Variants in TRPM2 observed in about 807,000 individuals in gnomAD.
The protein encoded by TRPM2 is estrogen-responsive element-associated gene 1 protein.
TRPM2 carries 161 observed loss-of-function variants against 174.0 expected under a neutral mutation model. That is an observed-to-expected ratio of 0.93 (90% CI 0.81 to 1.05). TRPM2 has a LOEUF of 1.05. TRPM2 is among the 50% of genes least tolerant of loss of function. The pLI is 0.00. For missense variants in TRPM2, 2,057 were observed against 2,038.0 expected (o/e 1.01, Z -0.18); for synonymous variants, 954 against 861.3 (o/e 1.11, Z -1.88).
chr21:44,398,352 C>T (rs2049500841), intron 13 of TRPM2, among the ~76,000 whole-genome samples: 1 of 152,108 alleles, frequency 6.6e-6, no homozygotes, highest in Non-Finnish European at 1.5e-5. Flanking sequence ...AGCTGCCTGC[C>T]ACCACAACTG....
At position 44,364,253 on chromosome 21, in the gene TRPM2, T is replaced by C; in HGVS notation, c.394T>C (p.Phe132Leu). The C allele has an allele frequency of 9.9e-6, 16 of 1,614,224 alleles. No homozygotes were observed. Among genetic ancestry groups the C allele is most frequent in the Non-Finnish European group, 1.4e-5 (16 of 1,180,036 alleles). The stretch of plus-strand genomic sequence containing the variant: ...AACCGATGCCTTTGGCGACATCGTC[T>C]TCACGGGCCTGAGCCAGAAGGTGAA... Reference protein sequence around the residue: ...MPTDAFGDIVFTGLSQKVKKY... With the variant: ...MPTDAFGDIVLTGLSQKVKKY... The change falls in exon 3 of 32, where the codon TTC (phenylalanine) becomes CTC (leucine). Residue 132 changes from phenylalanine to leucine, a missense_variant. Transcript: ENST00000397928.
At position 44,418,022 on chromosome 21, in the gene TRPM2, C is replaced by T. The variant is rs753642082; in HGVS notation, c.3242C>T (p.Pro1081Leu). The T allele has an allele frequency of 3.4e-5, 55 of 1,612,992 alleles. No individual in the cohort carries two copies. Among genetic ancestry groups the T allele is most frequent in the Admixed American group, 2.7e-4 (16 of 60,006 alleles). Residue 1081 changes from proline (P) to leucine (L), a missense_variant, in exon 21 of 32, where the codon CCG (proline) becomes CTG (leucine). By Grantham distance (98) the Pro-to-Leu change is moderately conservative. Transcript: ENST00000397928. ...IEEYHGRPAA[P>L]PPFILLSHLQ... is the part of the protein sequence containing the mutation. ...GAGTACCACGGCCGCCCCGCCGCGCCGCCCCCCTTCATCCTCCTCAGCCAC... is the reference window on the plus strand; with the variant it reads ...GAGTACCACGGCCGCCCCGCCGCGCTGCCCCCCTTCATCCTCCTCAGCCAC...
At position 44,440,817 on chromosome 21, in the gene TRPM2, G is replaced by A; in HGVS notation, c.4298G>A (p.Arg1433Lys). ...EVYKGYMDDP[R>K]NTDNAWIETV... ...TACAAAGGCTACATGGATGACCCGAGGAACACGGACAATGCCTGGATCGAG... is the reference window on the plus strand; with the variant it reads ...TACAAAGGCTACATGGATGACCCGAAGAACACGGACAATGCCTGGATCGAG... The change falls in exon 31 of 32, where the codon AGG (arginine) becomes AAG (lysine). Residue 1433 changes from arginine (R) to lysine (K), a missense_variant. By Grantham distance (26) the Arg-to-Lys change is conservative. Transcript: ENST00000397928. 6.2e-7 allele frequency: 1 copy of A among 1,613,950 alleles called. No homozygotes were observed. The highest frequency in any genetic ancestry group is 8.5e-7 in the Non-Finnish European group (1 of 1,179,974).
At chr21:44,394,180 G>A (rs1214615037) in intron 11 of TRPM2, among the ~76,000 whole-genome samples, 2 of 151,754 alleles carry the variant, frequency 1.3e-5, no homozygotes, top group Non-Finnish European at 2.9e-5. Context: ...GGTATGGCTT[G>A]GTTTTATACA....
intron 19 of TRPM2, among the ~76,000 whole-genome samples, chr21:44,413,513 G>A (rs1277769963): frequency 6.6e-6 from 1 of 152,180 alleles, no homozygotes; most frequent in East Asian, 1.9e-4. Flanking sequence ...AAAGTGCTGG[G>A]ATTACAGGCA....
In TRPM2 at chr21:44,425,756, GCCCGGCACCTC is replaced by G. The variant is rs769582649; in HGVS notation, c.3726_3736del (p.Arg1243LeufsTer26). The G allele has an allele frequency of 3.1e-6, 5 of 1,594,952 alleles. No homozygotes were observed. The East Asian group carries it at 1.1e-4, about 36-fold the overall frequency. ...GCCGGGCGACAGCTACCACGTGAAT[GCCCGGCACCTC>G]CTCTACCCCAACTGCCCTGTCACGC... is the stretch of plus-strand genomic sequence containing the variant. On this transcript the variant is annotated frameshift_variant, in exon 25 of 32. Transcript: ENST00000397928. LOFTEE classifies it high-confidence loss of function.
intron 8 of TRPM2, 59 bp from the exon 9 acceptor site, chr21:44,382,659 T>C: frequency 6.5e-7 from 1 of 1,549,336 alleles, no homozygotes; most frequent in Non-Finnish European, 8.8e-7. Flanking sequence ...CTATGTGTCC[T>C]GGAGGAGGCA....
intron 7 of TRPM2, 138 bp from the exon 8 acceptor site, chr21:44,378,859 C>G (rs2048786680): frequency 1.1e-6 from 1 of 947,426 alleles, no homozygotes; most frequent in Non-Finnish European, 1.6e-6. Flanking sequence ...CGCCACGAAA[C>G]TAATAAGTGC....
At chr21:44,419,662 ATGG>A (rs1569097821) in intron 22 of TRPM2, among the ~76,000 whole-genome samples, 3 of 42,836 alleles carry the variant, frequency 7.0e-5, no homozygotes, top group Non-Finnish European at 1.0e-4. Context: ...GGTGGTAGTG[ATGG>A]TGATGATGAT....
rs376760691 is a variant in TRPM2, at chr21:44,405,277, C to T, written c.2657+17C>T. On this transcript the variant is annotated intron_variant, in intron 17 of 31. Transcript: ENST00000397928. The stretch of plus-strand genomic sequence containing the variant: ...GACCTGCAGGTGAGTGGCCTCACCC[C>T]GATGGCGGGCCCGTCTGAGGCAGCC... The T allele has an allele frequency of 9.3e-4, 1,493 of 1,610,770 alleles. 5 individuals carry two copies. The highest frequency in any genetic ancestry group is 2.2e-3 in the South Asian group (198 of 91,030).
At chr21:44,379,588 T>C (rs1424201571) in intron 8 of TRPM2, among the ~76,000 whole-genome samples, 2 of 152,194 alleles carry the variant, frequency 1.3e-5, no homozygotes, top group African/African-American at 4.8e-5. Context: ...CCAGTCCAGA[T>C]TGTAGCCTCA....
intron 23 of TRPM2, 58 bp downstream of exon 23, chr21:44,423,790 C>T: frequency 1.4e-6 from 2 of 1,424,920 alleles, no homozygotes; most frequent in South Asian, 1.2e-5. Context: ...TGGTGGGCGG[C>T]TCTGCCATGT....
At chr21:44,421,102 A>G (rs1479343545) in intron 22 of TRPM2, among the ~76,000 whole-genome samples, 1 of 152,000 alleles carries the variant, frequency 6.6e-6, no homozygotes, top group Non-Finnish European at 1.5e-5. Flanking sequence ...GGTGGATCAC[A>G]AGGTTAGGAG....
Position 44,367,044 on chromosome 21 carries a change from G to A in TRPM2, c.604+110G>A, listed in dbSNP as rs2048384460. ...ACCCAAAAAGTCCCTGGGAGCCGCC[G>A]AGGCTGTGCCCCAGCCTGAGTCGGA... On this transcript the variant is annotated intron_variant, in intron 4 of 31. Coordinates refer to ENST00000397928, the MANE Select transcript of TRPM2 (RefSeq NM_003307.4). This position sits in a 1 kb window ranked among gnomAD's most constrained non-coding sequence, Gnocchi z 4.6. The A allele has an allele frequency of 9.8e-6, 13 of 1,320,504 alleles. No individual in the cohort carries two copies. The highest frequency in any genetic ancestry group is 7.6e-5 in the South Asian group (5 of 65,426). The allele number at this position is 1,320,504 out of a possible 1,614,324, so 81.8% of individuals were successfully genotyped here.
At chr21:44,425,100 G>GC (rs1370614825) in intron 24 of TRPM2, 161 bp downstream of exon 24, 5 of 655,686 alleles carry the variant, frequency 7.6e-6, no homozygotes, top group Admixed American at 6.0e-5. Flanking sequence ...CAGGAACTCA[G>GC]CCCACCCACC....
At position 44,438,998 on chromosome 21, in the gene TRPM2, G is replaced by T; in HGVS notation, c.4168-69G>T. 2.2e-6 allele frequency: 3 copies of T among 1,356,886 alleles called. No individual in the cohort carries two copies. Among genetic ancestry groups the T allele is most frequent in the Non-Finnish European group, 3.1e-6 (3 of 968,738 alleles). The allele number at this position is 1,356,886 out of a possible 1,614,324, so 84.1% of individuals were successfully genotyped here. A position where few individuals can be genotyped will look rare whatever the true frequency, so the allele number is the denominator to read the frequency against. ...CGCCGGGCAGGAGGCCAGTGGAGACGGGTGCCAGGGCAGCCTGAGGTCCCG... is the reference window on the plus strand; with the variant it reads ...CGCCGGGCAGGAGGCCAGTGGAGACTGGTGCCAGGGCAGCCTGAGGTCCCG... On this transcript the variant is annotated intron_variant, in intron 29 of 31. Transcript: ENST00000397928. The surrounding 1 kb of genome is among the most constrained non-coding windows in gnomAD (Gnocchi z 5.9).
chr21:44,433,943 G>A (rs928754954), intron 27 of TRPM2, among the ~76,000 whole-genome samples: 3 of 152,202 alleles, frequency 2.0e-5, no homozygotes, highest in Non-Finnish European at 2.9e-5. Context: ...CTGGGTGGAG[G>A]CAGGGAGGCC....
intron 20 of TRPM2, chr21:44,416,299 G>C (rs1038398033): frequency 1.3e-5 from 2 of 152,228 alleles, no homozygotes; most frequent in Non-Finnish European, 2.9e-5. Flanking sequence ...CTTTCAGAAC[G>C]TGGGTTCTGA....
intron 27 of TRPM2, 56 bp downstream of exon 27, chr21:44,427,167 G>A (rs1355819009): frequency 2.8e-6 from 4 of 1,427,436 alleles, no homozygotes; most frequent in Middle Eastern, 3.6e-4. Flanking sequence ...TGCCTGGGGG[G>A]CAGGTTTCCT....
Sources: allele counts gnomAD v4.1 joint callset (sites outside exome capture counted in the v4.1 genomes callset), GRCh38; gene constraint gnomAD v4.1.1; non-coding constraint Gnocchi (gnomAD v3.1); transcripts MANE v1.5; gene names NCBI Gene and HGNC (gene_info 2026-07-23, HGNC 2026-07-21).